The following MPHOSPH8 variants were observed in gnomAD, a reference collection of about 807,000 sequenced individuals.
MPHOSPH8 encodes M-phase phosphoprotein 8, also known as M-phase phosphoprotein, mpp.
In MPHOSPH8, 45 loss-of-function variants were observed where a neutral mutation model predicts 87.3. That is an observed-to-expected ratio of 0.52 (90% CI 0.41 to 0.66). The LOEUF is 0.66. MPHOSPH8 is among the 30% of genes least tolerant of loss of function. MPHOSPH8 has a pLI of 0.00. For missense variants in MPHOSPH8, 883 were observed against 1,020.2 expected (o/e 0.87, Z 1.83); for synonymous variants, 366 against 376.9 (o/e 0.97, Z 0.33).
intron 7 of MPHOSPH8, among the ~76,000 whole-genome samples, chr13:19,660,055 G>A (rs1178046541): frequency 3.4e-5 from 5 of 148,330 alleles, no homozygotes; most frequent in South Asian, 2.1e-4. Flanking sequence ...TCCGCCTCCC[G>A]GGTTCACGCC....
rs912825042 is a variant in MPHOSPH8 at position 19,671,942 on chromosome 13, G to A, written c.*67G>A. The A allele has an allele frequency of 3.3e-6, 5 of 1,509,136 alleles. No individual in the cohort carries two copies. In the African/African-American group the frequency reaches 6.9e-5, roughly 21 times the overall value. The allele number at this position is 1,509,136 out of a possible 1,614,324, so 93.5% of individuals were successfully genotyped here. On this transcript the variant is annotated 3_prime_UTR_variant, in exon 14 of 14. Transcript: ENST00000361479. The stretch of plus-strand genomic sequence containing the variant: ...CCTATACTCTCTTTGACAGCAGTTT[G>A]GAATTCTTCTAGCACATCTATGTAA...
chr13:19,671,672 T>C (rs1593495592), intron 13 of MPHOSPH8, among the ~76,000 whole-genome samples, 162 bp from the exon 14 acceptor site: 1 of 152,250 alleles, frequency 6.6e-6, no homozygotes, highest in South Asian at 2.1e-4. Context: ...CTTGGAATTA[T>C]TTCTTGAATT....
intron 5 of MPHOSPH8, among the ~76,000 whole-genome samples, chr13:19,655,894 T>G (rs1211737376): frequency 2.0e-5 from 3 of 152,102 alleles, no homozygotes; most frequent in African/African-American, 7.2e-5. Context: ...AGCAGATCGC[T>G]TGAGCTCAGA....
chr13:19,669,685 T>TG (rs1876014124), intron 11 of MPHOSPH8, among the ~76,000 whole-genome samples: 1 of 151,832 alleles, frequency 6.6e-6, no homozygotes, highest in African/African-American at 2.4e-5. Context: ...AATTTTGTGT[T>TG]CTTAGTAGAG....
At chr13:19,663,887 G>C (rs1179454683) in intron 9 of MPHOSPH8, among the ~76,000 whole-genome samples, 2 of 152,196 alleles carry the variant, frequency 1.3e-5, no homozygotes, top group African/African-American at 4.8e-5. Flanking sequence ...TCCCCAGTAA[G>C]CAAAAGAGCA....
intron 3 of MPHOSPH8, 23 bp from the exon 4 acceptor site, chr13:19,648,399 T>C: frequency 6.8e-7 from 1 of 1,463,706 alleles, no homozygotes; most frequent in Non-Finnish European, 9.4e-7. Context: ...CCATTCTTGT[T>C]TTGGATATCA....
chr13:19,646,321 T>G (rs111775824), intron 2 of MPHOSPH8, 122 bp from the exon 3 acceptor site: 1 of 857,610 alleles, frequency 1.2e-6, no homozygotes. Context: ...GTAAGCAGTT[T>G]TAAGAAGTTG....
chr13:19,669,370 C>T (rs558861961), intron 11 of MPHOSPH8, among the ~76,000 whole-genome samples: 3 of 151,530 alleles, frequency 2.0e-5, no homozygotes, highest in South Asian at 4.2e-4. Context: ...TTTGATTATT[C>T]GGGTGGACCA....
intron 12 of MPHOSPH8, 26 bp from the exon 13 acceptor site, chr13:19,671,180 A>G (rs1876107249): frequency 2.5e-6 from 4 of 1,607,812 alleles, no homozygotes; most frequent in Non-Finnish European, 3.4e-6. Flanking sequence ...GAAAACACTG[A>G]CTTTTTTTTT....
chr13:19,664,986 G>A (rs1231798032), intron 9 of MPHOSPH8, among the ~76,000 whole-genome samples: 1 of 152,098 alleles, frequency 6.6e-6, no homozygotes, highest in South Asian at 2.1e-4. Context: ...GTGGTCCACG[G>A]GCTGGCAGCA....
At chr13:19,662,376 C>T (rs1169204662) in intron 8 of MPHOSPH8, among the ~76,000 whole-genome samples, 3 of 152,200 alleles carry the variant, frequency 2.0e-5, no homozygotes, top group Non-Finnish European at 4.4e-5. Flanking sequence ...CCTCTCGCCT[C>T]AGCCTCCCAA....
chr13:19,661,038 G>C (rs911556808), intron 7 of MPHOSPH8: 6 of 880,610 alleles, frequency 6.8e-6, no homozygotes, highest in Non-Finnish European at 8.2e-6. Context: ...CAGGAGGAAT[G>C]CTTGAGCCCA....
Position 19,670,219 on chromosome 13 carries a change from A to C in MPHOSPH8, c.2330-17A>C. The C allele has an allele frequency of 1.2e-6, 2 of 1,613,844 alleles. No individual in the cohort carries two copies. Among genetic ancestry groups the C allele is most frequent in the Non-Finnish European group, 1.7e-6 (2 of 1,179,864 alleles). On this transcript the variant is annotated splice_polypyrimidine_tract_variant and intron_variant, in intron 11 of 13. Transcript: ENST00000361479. The stretch of plus-strand genomic sequence containing the variant: ...AGGTTGCCTTTGAAGTAATTCACAC[A>C]CATCTCCCATTTTCAGGCTCTGGCA...
rs1873826622 is a variant in MPHOSPH8, at chr13:19,633,702, G to A, written c.-47G>A. 1.9e-6 allele frequency: 3 copies of A among 1,546,384 alleles called. No individual in the cohort carries two copies. In the East Asian group the frequency reaches 7.2e-5, roughly 37 times the overall value. On this transcript the variant is annotated 5_prime_UTR_variant, in exon 1 of 14. It adds an upstream start codon to the 5' untranslated region. Coordinates refer to ENST00000361479, the MANE Select transcript of MPHOSPH8 (RefSeq NM_017520.4). Reference sequence around the variant, plus strand: ...GCGCGGAACGCGAGGGGCTGCTGGGGTGTTTGTCGCAGCGGGTTTTCCTCG... The same window carrying A: ...GCGCGGAACGCGAGGGGCTGCTGGGATGTTTGTCGCAGCGGGTTTTCCTCG...
rs777666209 is a variant in MPHOSPH8 at position 19,648,548 on chromosome 13, A to G, written c.1318+27A>G. 4.2e-6 allele frequency: 5 copies of G among 1,187,568 alleles called. No homozygotes were observed. In the South Asian group the frequency reaches 8.4e-5, roughly 20 times the overall value. The allele number at this position is 1,187,568 out of a possible 1,614,324, so 73.6% of individuals were successfully genotyped here. On this transcript the variant is annotated intron_variant, in intron 4 of 13. Transcript: ENST00000361479. ...TGAGTGTAAATATTAACGTTTTGCC[A>G]TTTACGTTGCTATCTTTTATACAAA...
At chr13:19,651,285 G>T (rs1874832768) in intron 5 of MPHOSPH8, among the ~76,000 whole-genome samples, 1 of 152,210 alleles carries the variant, frequency 6.6e-6, no homozygotes, top group African/African-American at 2.4e-5. Flanking sequence ...CCAGCACTTT[G>T]GGAGGTTGAG....
At chr13:19,663,773 A>C (rs1433787446) in intron 9 of MPHOSPH8, among the ~76,000 whole-genome samples, 2 of 152,134 alleles carry the variant, frequency 1.3e-5, no homozygotes, top group African/African-American at 4.8e-5. Context: ...TGGCCGGCTC[A>C]GCTCCCTGTG....
chr13:19,639,824 G>A (rs566917802), intron 1 of MPHOSPH8, among the ~76,000 whole-genome samples: 1 of 152,206 alleles, frequency 6.6e-6, no homozygotes, highest in East Asian at 1.9e-4. Context: ...AATTTTATGG[G>A]CCAGGCACAG....
In MPHOSPH8 at chr13:19,672,075, A is replaced by G. The variant is rs1050184377; in HGVS notation, c.*200A>G. The G allele has an allele frequency of 3.3e-5, 19 of 579,474 alleles. No homozygotes were observed. Among genetic ancestry groups the G allele is most frequent in the Middle Eastern group, 3.7e-4 (1 of 2,694 alleles). The allele number at this position is 579,474 out of a possible 1,614,324, so 35.9% of individuals were successfully genotyped here. A position where few individuals can be genotyped will look rare whatever the true frequency, so the allele number is the denominator to read the frequency against. On this transcript the variant is annotated 3_prime_UTR_variant, in exon 14 of 14. Transcript: ENST00000361479. ...ATGCCGGAATCTCAGTGCAGTGTCC[A>G]GACTGCGTATTTCAGTTTTTCCACA... is the stretch of plus-strand genomic sequence containing the variant.
Sources: allele counts gnomAD v4.1 joint callset (sites outside exome capture counted in the v4.1 genomes callset), GRCh38; gene constraint gnomAD v4.1.1; transcripts MANE v1.5; gene names NCBI Gene and HGNC (gene_info 2026-07-23, HGNC 2026-07-21).